The following SYCP2L variants were observed in gnomAD, a reference collection of about 807,000 sequenced individuals.
SYCP2L encodes synaptonemal complex protein 2 like.
A neutral mutation model predicts 125.8 loss-of-function variants in SYCP2L; 98 were observed. That is an observed-to-expected ratio of 0.78 (90% CI 0.66 to 0.92). The LOEUF is 0.92. Among genes scored for constraint, SYCP2L ranks in the 40% least tolerant of loss-of-function variants. The pLI is 0.00. For synonymous variants in SYCP2L, 317 were observed against 325.4 expected (o/e 0.97, Z 0.28); for missense variants, 842 against 936.4 (o/e 0.90, Z 1.32).
rs1780579854 is a variant in SYCP2L at position 10,910,135 on chromosome 6, A to G, written c.820-13A>G. ...TTTTTTTTTAATAAAAGTTTATATC[A>G]TTTGCTTTGAAGGACAGTAGACGTT... On this transcript the variant is annotated splice_polypyrimidine_tract_variant and intron_variant, in intron 10 of 29. Transcript: ENST00000283141. 1 of 1,611,232 alleles carries G rather than the reference A, an allele frequency of 6.2e-7. No individual in the cohort carries two copies. Among genetic ancestry groups the G allele is most frequent in the Non-Finnish European group, 8.5e-7 (1 of 1,178,146 alleles).
At chr6:10,935,259 C>A in intron 21 of SYCP2L, 72 bp downstream of exon 21, 1 of 1,474,288 alleles carries the variant, frequency 6.8e-7, no homozygotes, top group Non-Finnish European at 9.3e-7. Flanking sequence ...GTAAACAAAA[C>A]ATTTTTATTT....
chr6:10,912,619 A>G lies in SYCP2L; in HGVS notation c.919-54A>G, dbSNP rs1780629383. The stretch of plus-strand genomic sequence containing the variant: ...TTTTCAAGGGAATAATGTTTATCTG[A>G]CCCTATAGCATGATTTTTATGTGTA... On this transcript the variant is annotated intron_variant, in intron 12 of 29. Transcript: ENST00000283141. The surrounding 1 kb of genome is among the most constrained non-coding windows in gnomAD (Gnocchi z 4.1). 1 of 1,268,128 alleles carries G rather than the reference A, an allele frequency of 7.9e-7. No homozygotes were observed. The highest frequency in any genetic ancestry group is 1.8e-5 in the Admixed American group (1 of 56,996). 78.6% of individuals were successfully genotyped at this position (1,268,128 alleles called of 1,614,324 possible).
intron 20 of SYCP2L, among the ~76,000 whole-genome samples, chr6:10,931,929 C>T (rs866847153): frequency 1.3e-4 from 18 of 143,850 alleles, no homozygotes; most frequent in African/African-American, 3.6e-4. Flanking sequence ...TGTGCCACTG[C>T]GCTGCAGCCT....
chr6:10,905,874 A>G (rs529519869), intron 8 of SYCP2L, 146 bp from the exon 9 acceptor site: 6 of 576,356 alleles, frequency 1.0e-5, no homozygotes, highest in South Asian at 5.4e-5. Context: ...TTCCATAAAT[A>G]TGTGTTGGCA....
chr6:10,936,046 T>A (rs1355966267), intron 21 of SYCP2L, among the ~76,000 whole-genome samples: 1 of 152,138 alleles, frequency 6.6e-6, no homozygotes, highest in Admixed American at 6.5e-5. Context: ...TTATTATTAT[T>A]AATAACAATA....
At chr6:10,910,648 G>C (rs1780590897) in intron 11 of SYCP2L, among the ~76,000 whole-genome samples, 176 bp from the exon 12 acceptor site, 2 of 152,140 alleles carry the variant, frequency 1.3e-5, no homozygotes, top group African/African-American at 4.8e-5. Context: ...CTGCCAGATG[G>C]AGATTTGAAA....
chr6:10,910,896 G>A, intron 12 of SYCP2L, 27 bp downstream of exon 12: 1 of 1,613,816 alleles, frequency 6.2e-7, no homozygotes, highest in Non-Finnish European at 8.5e-7. Flanking sequence ...TGGAGGTCCT[G>A]AGGGCGGTGT....
At chr6:10,919,015 C>A (rs573444456) in intron 14 of SYCP2L, among the ~76,000 whole-genome samples, 43 of 152,292 alleles carry the variant, frequency 2.8e-4, no homozygotes, top group African/African-American at 1.0e-3. Flanking sequence ...TTGGGCTTCA[C>A]CTTTCTCTGG....
At chr6:10,932,301 G>C (rs186173145) in intron 20 of SYCP2L, among the ~76,000 whole-genome samples, 1 of 152,246 alleles carries the variant, frequency 6.6e-6, no homozygotes, top group African/African-American at 2.4e-5. Flanking sequence ...AATAGAGACA[G>C]CAGTGTCTGC....
At chr6:10,950,188 A>G (rs1169816247) in intron 23 of SYCP2L, among the ~76,000 whole-genome samples, 3 of 145,124 alleles carry the variant, frequency 2.1e-5, no homozygotes, top group African/African-American at 7.4e-5. Context: ...ACCTTTTGCT[A>G]ACTTATTGCA....
intron 23 of SYCP2L, among the ~76,000 whole-genome samples, chr6:10,943,253 T>C (rs1280069645): frequency 3.3e-5 from 5 of 152,222 alleles, no homozygotes; most frequent in Non-Finnish European, 7.3e-5. Flanking sequence ...AATATAATAC[T>C]TTTCTACTGT....
chr6:10,907,876 A>G (rs1249078994), intron 10 of SYCP2L, among the ~76,000 whole-genome samples, 192 bp downstream of exon 10: 1 of 103,146 alleles, frequency 9.7e-6, no homozygotes, highest in Non-Finnish European at 2.1e-5. Flanking sequence ...TGAGCTAGAT[A>G]TAGGGATACA....
intron 15 of SYCP2L, among the ~76,000 whole-genome samples, chr6:10,925,468 C>T (rs982270120): frequency 1.3e-5 from 2 of 152,172 alleles, no homozygotes; most frequent in Non-Finnish European, 2.9e-5. Context: ...CTCTCTGTTT[C>T]CTACTTATTG....
Position 10,945,273 on chromosome 6 carries a change from GTC to G in SYCP2L, c.1954+2531_1954+2532del, listed in dbSNP as rs573025629. Among the ~76,000 whole-genome samples, 351 of 152,222 alleles carry G rather than the reference GTC, an allele frequency of 2.3e-3. 2 individuals are homozygous for G. The highest frequency in any genetic ancestry group is 9.3e-3 in the South Asian group (45 of 4,828). On this transcript the variant is annotated intron_variant, in intron 23 of 29. Transcript: ENST00000283141. ...ATATTTCACAATCATTGGGTGCAGT[GTC>G]TCTATATATGTATATTCATTAGGTT...
intron 29 of SYCP2L, among the ~76,000 whole-genome samples, chr6:10,969,641 G>C (rs1298750707): frequency 1.3e-5 from 2 of 152,062 alleles, no homozygotes; most frequent in Non-Finnish European, 2.9e-5. Flanking sequence ...TGGGATTACA[G>C]GTGTGAGCCA....
Position 10,907,629 on chromosome 6 carries a change from A to G in SYCP2L, c.764A>G (p.Asp255Gly). ...SRDELVHKWF[D>G]DEVIAEAFKE... is the part of the protein sequence containing the mutation. The stretch of plus-strand genomic sequence containing the variant: ...GATGAACTTGTCCATAAATGGTTTG[A>G]TGATGAAGTCATTGCTGAAGCTTTC... Residue 255 changes from aspartate to glycine, a missense_variant, in exon 10 of 30, where the codon GAT becomes GGT. Coordinates refer to ENST00000283141, the MANE Select transcript of SYCP2L (RefSeq NM_001040274.3). 8.1e-6 allele frequency: 13 copies of G among 1,614,074 alleles called. No homozygotes were observed. The highest frequency in any genetic ancestry group is 1.1e-5 in the Non-Finnish European group (13 of 1,179,972).
intron 6 of SYCP2L, among the ~76,000 whole-genome samples, chr6:10,900,238 TG>T (rs1468576277): frequency 2.0e-5 from 3 of 152,040 alleles, no homozygotes; most frequent in Non-Finnish European, 4.4e-5. Context: ...ATTCTGGTGA[TG>T]GCCTCTTTCT....
At chr6:10,960,416 T>C (rs1372380573) in intron 26 of SYCP2L, among the ~76,000 whole-genome samples, 4 of 152,198 alleles carry the variant, frequency 2.6e-5, no homozygotes, top group Non-Finnish European at 4.4e-5. Context: ...CAATGTCGGA[T>C]ACCAGGCCCT....
In SYCP2L at chr6:10,945,257, A is replaced by G. The variant is rs143624255; in HGVS notation, c.1954+2511A>G. ...TTGTGGTTAAAAGAGTATATTTCAC[A>G]ATCATTGGGTGCAGTGTCTCTATAT... is the stretch of plus-strand genomic sequence containing the variant. On this transcript the variant is annotated intron_variant, in intron 23 of 29. Coordinates refer to ENST00000283141, the MANE Select transcript of SYCP2L (RefSeq NM_001040274.3). Among the ~76,000 whole-genome samples the G allele has an allele frequency of 1.3e-3, 201 of 152,282 alleles. 1 individual carries two copies. The highest frequency in any genetic ancestry group is 4.4e-3 in the African/African-American group (183 of 41,558).
Sources: allele counts gnomAD v4.1 joint callset (sites outside exome capture counted in the v4.1 genomes callset), GRCh38; gene constraint gnomAD v4.1.1; non-coding constraint Gnocchi (gnomAD v3.1); transcripts MANE v1.5; gene names NCBI Gene and HGNC (gene_info 2026-07-23, HGNC 2026-07-21).